The following GRM1 variants were observed in gnomAD, a reference collection of about 807,000 sequenced individuals.
GRM1 encodes the protein glutamate metabotropic receptor 1.
GRM1 carries 33 observed loss-of-function variants against 90.9 expected under a neutral mutation model. The ratio of observed to expected loss-of-function variants is 0.36; its 90% CI spans 0.28 to 0.49. The LOEUF (loss-of-function observed/expected upper bound fraction) is 0.49. Among genes scored for constraint, GRM1 ranks in the 20% least tolerant of loss-of-function variants. The pLI, the probability that GRM1 is intolerant of heterozygous loss-of-function variation, is 0.99. For missense variants in GRM1, 1,190 were observed against 1,534.3 expected (o/e 0.78, Z 3.75); for synonymous variants, 700 against 613.2 (o/e 1.14, Z -2.09).
intron 2 of GRM1, among the ~76,000 whole-genome samples, chr6:146,216,464 C>T (rs566334823): frequency 6.6e-6 from 1 of 152,298 alleles, no homozygotes; most frequent in Non-Finnish European, 1.5e-5. Flanking sequence ...TTAAAATCAT[C>T]TGACCTACAT....
chr6:146,396,104 C>CTATCTATCTATCTATCT (rs1554307314), intron 6 of GRM1, among the ~76,000 whole-genome samples: 1 of 146,898 alleles, frequency 6.8e-6, no homozygotes, highest in South Asian at 2.2e-4. Context: ...ATCTATCTAT[C>CTATCTATCTATCTATCT]GTCTATATAT....
chr6:146,098,988 T>C (rs1367782793), intron 1 of GRM1, among the ~76,000 whole-genome samples: 5 of 152,172 alleles, frequency 3.3e-5, no homozygotes, highest in Non-Finnish European at 2.9e-5. Context: ...AATGGACTAA[T>C]ACACCACCTA....
chr6:146,078,717 A>G (rs1000102740), intron 1 of GRM1, among the ~76,000 whole-genome samples: 5 of 152,246 alleles, frequency 3.3e-5, no homozygotes, highest in African/African-American at 9.6e-5. Flanking sequence ...ACTTAATAAA[A>G]CAATGCGGTG....
At chr6:146,286,718 G>A (rs1335241484) in intron 2 of GRM1, among the ~76,000 whole-genome samples, 1 of 152,194 alleles carries the variant, frequency 6.6e-6, no homozygotes, top group Non-Finnish European at 1.5e-5. Context: ...CAAGGAACTT[G>A]AAGATCCACT....
chr6:146,254,241 G>A (rs895564310), intron 2 of GRM1, among the ~76,000 whole-genome samples: 1 of 151,878 alleles, frequency 6.6e-6, no homozygotes, highest in Non-Finnish European at 1.5e-5. Context: ...TGTGCTAGCT[G>A]TTCCTGTTTT....
chr6:146,224,152 A>C (rs540585523), intron 2 of GRM1, among the ~76,000 whole-genome samples: 1 of 152,276 alleles, frequency 6.6e-6, no homozygotes, highest in South Asian at 2.1e-4. Flanking sequence ...AATTCAAGTA[A>C]ATATTGAATC....
intron 5 of GRM1, among the ~76,000 whole-genome samples, chr6:146,380,380 G>T (rs1776276903): frequency 7.5e-6 from 1 of 134,148 alleles, no homozygotes. Flanking sequence ...AGAGCCCTTT[G>T]GCATCTTTCC....
At chr6:146,305,873 G>A (rs1583301161) in intron 3 of GRM1, among the ~76,000 whole-genome samples, 1 of 152,116 alleles carries the variant, frequency 6.6e-6, no homozygotes, top group Admixed American at 6.5e-5. Context: ...CCATCTCTTT[G>A]GGCAAATCAA....
rs78470427 is a variant in GRM1, at chr6:146,049,191, T to C, written c.700+18974T>C. ...GGTAATATAACTCAGAGGTATGTTA[T>C]TGTGATGGCTAATTTTAGGTGTCAG... On this transcript the variant is annotated intron_variant, in intron 1 of 7. Coordinates refer to ENST00000282753, the MANE Select transcript of GRM1 (RefSeq NM_001278064.2). Among the ~76,000 whole-genome samples the C allele has an allele frequency of 7.3e-3, 1,107 of 152,108 alleles. 22 individuals are homozygous for C. Among genetic ancestry groups the C allele is most frequent in the East Asian group, 0.071 (364 of 5,138 alleles).
At chr6:146,059,583 C>G (rs906318508) in intron 1 of GRM1, among the ~76,000 whole-genome samples, 5 of 152,104 alleles carry the variant, frequency 3.3e-5, no homozygotes, top group Admixed American at 3.3e-4. Context: ...ACAAAGAAAT[C>G]AGCCTGTCCT....
intron 7 of GRM1, among the ~76,000 whole-genome samples, chr6:146,405,082 G>A (rs1333636719): frequency 6.6e-6 from 1 of 152,152 alleles, no homozygotes; most frequent in Non-Finnish European, 1.5e-5. Context: ...TATTAAAACA[G>A]ATAAGGAATA....
chr6:146,358,149 C>G (rs919080763), intron 5 of GRM1, among the ~76,000 whole-genome samples: 1 of 152,170 alleles, frequency 6.6e-6, no homozygotes. Flanking sequence ...GTTTCTCTAC[C>G]TAGTCCTTTG....
At chr6:146,246,444 T>A (rs146739424) in intron 2 of GRM1, among the ~76,000 whole-genome samples, 1,648 of 152,242 alleles carry the variant, frequency 0.011, 23 homozygotes, top group African/African-American at 0.036. Context: ...CAGCTAATGA[T>A]CTGTAGGAGT....
At chr6:146,104,363 C>T (rs1006608393) in intron 1 of GRM1, among the ~76,000 whole-genome samples, 29 of 151,974 alleles carry the variant, frequency 1.9e-4, no homozygotes, top group Non-Finnish European at 4.4e-5. Context: ...TGACGTGAAC[C>T]TGGGAGGCGG....
intron 2 of GRM1, among the ~76,000 whole-genome samples, chr6:146,297,465 G>A (rs1312213856): frequency 1.3e-5 from 2 of 152,036 alleles, no homozygotes; most frequent in Admixed American, 6.6e-5. Context: ...CAGCCAAAAA[G>A]TCCAAACAAT....
intron 3 of GRM1, among the ~76,000 whole-genome samples, chr6:146,347,171 A>G (rs1465889111): frequency 6.6e-6 from 1 of 152,252 alleles, no homozygotes; most frequent in Non-Finnish European, 1.5e-5. Flanking sequence ...CTAACAACTC[A>G]GAACAAACAA....
intron 2 of GRM1, among the ~76,000 whole-genome samples, chr6:146,227,247 C>T (rs78111326): frequency 4.9e-4 from 74 of 151,164 alleles, no homozygotes; most frequent in Middle Eastern, 3.4e-3. Flanking sequence ...CAGACATACA[C>T]GTATTTATTA....
chr6:146,280,992 G>A (rs1018692028), intron 2 of GRM1, among the ~76,000 whole-genome samples: 16 of 151,944 alleles, frequency 1.1e-4, no homozygotes, highest in Admixed American at 9.2e-4. Context: ...CTTGCCTTTG[G>A]AAGACAACTT....
intron 2 of GRM1, among the ~76,000 whole-genome samples, chr6:146,210,918 A>T (rs1779668512): frequency 6.6e-6 from 1 of 152,058 alleles, no homozygotes; most frequent in Non-Finnish European, 1.5e-5. Flanking sequence ...GAATGGGGAG[A>T]GACCTTTAAA....
Sources: gnomAD v4.1 joint callset for allele counts (sites outside exome capture counted in the v4.1 genomes callset) on GRCh38, gnomAD v4.1.1 for gene constraint, MANE v1.5 for transcripts, NCBI Gene and HGNC (gene_info 2026-07-23, HGNC 2026-07-21) for gene names.